SORCS2: variants seen among roughly 807,000 people sequenced by gnomAD.
SORCS2 encodes the protein sortilin related VPS10 domain containing receptor 2, also known as VPS10 domain-containing receptor SorCS2.
Under a neutral mutation model 141.6 loss-of-function variants are expected in SORCS2, and 100 were observed. That is an observed-to-expected ratio of 0.71 (90% CI 0.60 to 0.83). SORCS2 has a LOEUF of 0.83. Among genes scored for constraint, SORCS2 ranks in the 40% least tolerant of loss-of-function variants. The pLI, the probability that SORCS2 is intolerant of heterozygous loss-of-function variation, is 0.00. For synonymous variants in SORCS2, 789 were observed against 676.9 expected (o/e 1.17, Z -2.57); for missense variants, 1,646 against 1,560.2 (o/e 1.05, Z -0.93).
At chr4:7,634,436 C>A (rs1420453781) in intron 3 of SORCS2, among the ~76,000 whole-genome samples, 4 of 151,524 alleles carry the variant, frequency 2.6e-5, no homozygotes, top group African/African-American at 9.7e-5. Flanking sequence ...AGACACAAAG[C>A]CCAGCTAAAA....
chr4:7,697,152 G>A (rs1724763654), intron 11 of SORCS2, 46 bp from the exon 12 acceptor site: 1 of 1,507,296 alleles, frequency 6.6e-7, no homozygotes, highest in Non-Finnish European at 9.0e-7. Flanking sequence ...AAGGGGTAAA[G>A]CTGGACGATC....
chr4:7,298,849 C>T lies in SORCS2; in HGVS notation c.481-97439C>T, dbSNP rs551577141. Reference sequence around the variant, plus strand: ...ATCCCTGGGATCCTCATGCTGCATCCGGTGCCCCACTGCAGAGCCTGGCGG... The same window carrying T: ...ATCCCTGGGATCCTCATGCTGCATCTGGTGCCCCACTGCAGAGCCTGGCGG... On this transcript the variant is annotated intron_variant, in intron 1 of 26. Transcript: ENST00000507866. Among the ~76,000 whole-genome samples the T allele has an allele frequency of 3.3e-5, 5 of 152,346 alleles. 1 individual carries two copies. The East Asian group carries it at 5.8e-4, about 18-fold the overall frequency.
intron 1 of SORCS2, among the ~76,000 whole-genome samples, chr4:7,388,081 CACACATGCACACACATGCATGCACAG>C (rs1334143924): frequency 1.4e-5 from 2 of 147,620 alleles, no homozygotes; most frequent in Non-Finnish European, 3.0e-5. Context: ...GAGATACACA[CACACATGCACACACATGCATGCACAG>C]ACACATGCAC....
chr4:7,317,597 C>T (rs1246488317), intron 1 of SORCS2, among the ~76,000 whole-genome samples: 1 of 152,204 alleles, frequency 6.6e-6, no homozygotes, highest in African/African-American at 2.4e-5. Context: ...GGGCCTGCGG[C>T]ACCTCTGGCT....
At chr4:7,265,343 T>C (rs895446587) in intron 1 of SORCS2, among the ~76,000 whole-genome samples, 2 of 152,024 alleles carry the variant, frequency 1.3e-5, no homozygotes, top group African/African-American at 2.4e-5. Context: ...ATACAAAAAT[T>C]AGCTGGGCAT....
intron 1 of SORCS2, among the ~76,000 whole-genome samples, chr4:7,297,354 T>C (rs1385262639): frequency 6.6e-6 from 1 of 152,184 alleles, no homozygotes; most frequent in East Asian, 1.9e-4. Context: ...GTCCTCAGTC[T>C]GCAGCCCTGT....
At chr4:7,674,381 G>T (rs948948001) in intron 8 of SORCS2, among the ~76,000 whole-genome samples, 2 of 151,936 alleles carry the variant, frequency 1.3e-5, no homozygotes, top group Non-Finnish European at 2.9e-5. Context: ...AGACCATCCT[G>T]GCTAACACAG....
At chr4:7,471,989 C>T (rs148030891) in intron 2 of SORCS2, among the ~76,000 whole-genome samples, 173 of 152,332 alleles carry the variant, frequency 1.1e-3, no homozygotes, top group African/African-American at 4.0e-3. Flanking sequence ...GCCCAGGACC[C>T]GATTCAGCGG....
At chr4:7,366,407 T>C (rs1441406414) in intron 1 of SORCS2, among the ~76,000 whole-genome samples, 1 of 151,416 alleles carries the variant, frequency 6.6e-6, no homozygotes, top group African/African-American at 2.4e-5. Flanking sequence ...CTCCCCTGGC[T>C]CAGCACAGGA....
chr4:7,451,700 G>A, intron 2 of SORCS2, among the ~76,000 whole-genome samples: 1 of 152,224 alleles, frequency 6.6e-6, no homozygotes, highest in East Asian at 1.9e-4. Context: ...TTTGCCACTG[G>A]GGTGGTGGGG....
chr4:7,567,059 A>G (rs1715069744), intron 3 of SORCS2, among the ~76,000 whole-genome samples: 1 of 152,176 alleles, frequency 6.6e-6, no homozygotes, highest in Non-Finnish European at 1.5e-5. Flanking sequence ...CAACACCCCT[A>G]TTTATTTTTG....
intron 1 of SORCS2, among the ~76,000 whole-genome samples, chr4:7,387,925 CATGCACACACCGAT>C (rs1723554204): frequency 1.4e-5 from 1 of 72,402 alleles, no homozygotes. Context: ...CACACACCCA[CATGCACACACCGAT>C]ACACATACAC....
At chr4:7,314,100 T>G (rs977819828) in intron 1 of SORCS2, among the ~76,000 whole-genome samples, 8 of 152,228 alleles carry the variant, frequency 5.3e-5, no homozygotes, top group African/African-American at 1.7e-4. Flanking sequence ...GCAGCACATC[T>G]GCTTCTCTTT....
chr4:7,226,262 A>C (rs1448214529), intron 1 of SORCS2, among the ~76,000 whole-genome samples: 1 of 152,052 alleles, frequency 6.6e-6, no homozygotes, highest in Admixed American at 6.5e-5. Context: ...TTTGGGACTG[A>C]GGCTTGGAGA....
At chr4:7,195,501 G>A (rs1727121176) in intron 1 of SORCS2, among the ~76,000 whole-genome samples, 1 of 152,170 alleles carries the variant, frequency 6.6e-6, no homozygotes, top group South Asian at 2.1e-4. Context: ...TCTCTGGACT[G>A]GGCAGTCAGG....
At chr4:7,478,584 G>A (rs1466563026) in intron 2 of SORCS2, among the ~76,000 whole-genome samples, 2 of 152,160 alleles carry the variant, frequency 1.3e-5, no homozygotes, top group African/African-American at 4.8e-5. Context: ...GCGCCTGGCA[G>A]CCCCCACTGC....
chr4:7,206,470 C>A (rs1043188361), intron 1 of SORCS2, among the ~76,000 whole-genome samples: 5 of 152,156 alleles, frequency 3.3e-5, no homozygotes, highest in Admixed American at 6.5e-5. Context: ...ATCTGGGCTC[C>A]CTGGCCCACT....
intron 14 of SORCS2, among the ~76,000 whole-genome samples, chr4:7,704,939 G>A (rs891583439): frequency 3.9e-5 from 6 of 152,204 alleles, no homozygotes; most frequent in African/African-American, 1.2e-4. Context: ...CTGCGACCCC[G>A]CGCTGTGGCA....
At chr4:7,684,039 G>A (rs571207412) in intron 10 of SORCS2, among the ~76,000 whole-genome samples, 1 of 152,218 alleles carries the variant, frequency 6.6e-6, no homozygotes, top group African/African-American at 2.4e-5. Context: ...ATCTGACCAG[G>A]CTTCTCACTC....
Sources: gnomAD v4.1 joint callset for allele counts (sites outside exome capture counted in the v4.1 genomes callset) on GRCh38, gnomAD v4.1.1 for gene constraint, MANE v1.5 for transcripts, NCBI Gene and HGNC (gene_info 2026-07-23, HGNC 2026-07-21) for gene names.